Variants in SLMAP observed in about 807,000 individuals in gnomAD.
SLMAP encodes the protein sarcolemmal membrane-associated protein.
SLMAP carries 44 observed loss-of-function variants against 128.8 expected under a neutral mutation model. The ratio of observed to expected loss-of-function variants is 0.34; its 90% CI spans 0.27 to 0.44. SLMAP has a LOEUF of 0.44. SLMAP is among the 20% of genes least tolerant of loss of function. The pLI, the probability that SLMAP is intolerant of heterozygous loss-of-function variation, is 1.00. For missense variants in SLMAP, 787 were observed against 985.3 expected (o/e 0.80, Z 2.69); for synonymous variants, 327 against 348.8 (o/e 0.94, Z 0.70).
chr3:57,839,513 T>G (rs952321169), intron 3 of SLMAP, among the ~76,000 whole-genome samples: 2 of 146,494 alleles, frequency 1.4e-5, no homozygotes, highest in Non-Finnish European at 3.0e-5. Context: ...TGGTCTCGGC[T>G]CACTGCAACT....
At chr3:57,918,228 C>A (rs1430667215) in intron 22 of SLMAP, 1 of 152,188 alleles carries the variant, frequency 6.6e-6, no homozygotes, top group Non-Finnish European at 1.5e-5. Flanking sequence ...ACTGTAAGCA[C>A]TTTGTGTCCT....
chr3:57,791,712 TC>T lies in SLMAP; in HGVS notation c.198+33864del, dbSNP rs375629840. ...TTTTTTGCATAGCATCTGAATTGGCTCAGATTAAGTATTTAAAAATTATAAT... is the reference window on the plus strand; with the variant it reads ...TTTTTTGCATAGCATCTGAATTGGCTAGATTAAGTATTTAAAAATTATAAT... On this transcript the variant is annotated intron_variant, in intron 2 of 24. Transcript: ENST00000671191. Among the ~76,000 whole-genome samples, 207 of 152,258 alleles carry T rather than the reference TC, an allele frequency of 1.4e-3. 1 individual carries two copies. Among genetic ancestry groups the T allele is most frequent in the African/African-American group, 4.3e-3 (180 of 41,562 alleles).
intron 9 of SLMAP, 66 bp downstream of exon 9, chr3:57,860,905 AG>A: frequency 1.7e-5 from 22 of 1,325,180 alleles, no homozygotes; most frequent in Non-Finnish European, 2.2e-5. Context: ...CAAGCATTCC[AG>A]GATACTTTAA....
chr3:57,842,753 T>C (rs2094000836), intron 4 of SLMAP, among the ~76,000 whole-genome samples: 1 of 152,210 alleles, frequency 6.6e-6, no homozygotes, highest in South Asian at 2.1e-4. Context: ...TTGTTTGTCT[T>C]TTCTTATATG....
At chr3:57,858,531 C>T (rs993423155) in intron 8 of SLMAP, among the ~76,000 whole-genome samples, 1 of 152,180 alleles carries the variant, frequency 6.6e-6, no homozygotes, top group African/African-American at 2.4e-5. Flanking sequence ...TTGTCAACAA[C>T]ACTTTATGGA....
chr3:57,867,554 A>T (rs1338871278), intron 13 of SLMAP, among the ~76,000 whole-genome samples: 1 of 152,120 alleles, frequency 6.6e-6, no homozygotes, highest in African/African-American at 2.4e-5. Flanking sequence ...TATGATAGTG[A>T]CTAATAGAAT....
At chr3:57,783,000 A>G (rs2083368418) in intron 2 of SLMAP, among the ~76,000 whole-genome samples, 1 of 152,178 alleles carries the variant, frequency 6.6e-6, no homozygotes, top group Non-Finnish European at 1.5e-5. Flanking sequence ...TTTCTTTATA[A>G]ATTACCCAAT....
chr3:57,793,725 G>A (rs1456871927), intron 2 of SLMAP, among the ~76,000 whole-genome samples: 8 of 151,970 alleles, frequency 5.3e-5, no homozygotes, highest in Non-Finnish European at 8.8e-5. Context: ...GATAATATAT[G>A]TACCTTCTTA....
chr3:57,926,168 C>A (rs899213700), intron 24 of SLMAP: 17 of 503,566 alleles, frequency 3.4e-5, no homozygotes, highest in African/African-American at 5.9e-5. Flanking sequence ...TCCAACCTAA[C>A]CAGTTGTTAA....
At chr3:57,849,624 G>A in intron 5 of SLMAP, 130 bp from the exon 6 acceptor site, 1 of 615,754 alleles carries the variant, frequency 1.6e-6, no homozygotes, top group South Asian at 2.2e-5. Flanking sequence ...TATTGCCTTT[G>A]TGCTATAAAT....
chr3:57,907,839 G>A, intron 17 of SLMAP, 45 bp from the exon 18 acceptor site: 1 of 1,585,412 alleles, frequency 6.3e-7, no homozygotes, highest in South Asian at 1.1e-5. Context: ...GTAGATTATA[G>A]TGTGATACTA....
At chr3:57,923,621 A>G (rs1326154629) in intron 23 of SLMAP, among the ~76,000 whole-genome samples, 1 of 152,242 alleles carries the variant, frequency 6.6e-6, no homozygotes, top group Non-Finnish European at 1.5e-5. Context: ...TACTAAATAA[A>G]TGTTGTGTTG....
intron 2 of SLMAP, among the ~76,000 whole-genome samples, chr3:57,764,539 C>A (rs1406236718): frequency 3.3e-5 from 5 of 151,000 alleles, no homozygotes; most frequent in South Asian, 2.1e-4. Context: ...AAGAGTGATA[C>A]AATAGTGATA....
At chr3:57,822,404 A>C (rs1032012799) in intron 2 of SLMAP, among the ~76,000 whole-genome samples, 1 of 152,136 alleles carries the variant, frequency 6.6e-6, no homozygotes, top group African/African-American at 2.4e-5. Flanking sequence ...TGCCACGGAA[A>C]AAGGTAGAGT....
At chr3:57,763,871 AAGC>A (rs1238259526) in intron 2 of SLMAP, among the ~76,000 whole-genome samples, 1 of 152,186 alleles carries the variant, frequency 6.6e-6, no homozygotes, top group African/African-American at 2.4e-5. Context: ...ATGGAATAAA[AAGC>A]AGATAATTTT....
chr3:57,907,165 C>T, intron 17 of SLMAP, among the ~76,000 whole-genome samples: 1 of 151,948 alleles, frequency 6.6e-6, no homozygotes, highest in African/African-American at 2.4e-5. Flanking sequence ...GTAGCTGGGA[C>T]TACTGGCACC....
At chr3:57,761,916 G>A (rs1405977115) in intron 2 of SLMAP, among the ~76,000 whole-genome samples, 3 of 150,214 alleles carry the variant, frequency 2.0e-5, no homozygotes, top group Non-Finnish European at 4.4e-5. Context: ...GCGCGGTGGC[G>A]GGCGCCTGTA....
intron 13 of SLMAP, among the ~76,000 whole-genome samples, chr3:57,866,199 G>A (rs1423274690): frequency 6.6e-6 from 1 of 152,148 alleles, no homozygotes; most frequent in Non-Finnish European, 1.5e-5. Flanking sequence ...CTGAGCCCAG[G>A]AGGTTGAGGC....
At chr3:57,853,960 TATATA>T (rs2094613842) in intron 6 of SLMAP, among the ~76,000 whole-genome samples, 5 of 59,798 alleles carry the variant, frequency 8.4e-5, no homozygotes, top group Admixed American at 3.3e-4. Flanking sequence ...AAAAATTATA[TATATA>T]TATATATATA....
Sources: allele counts gnomAD v4.1 joint callset (sites outside exome capture counted in the v4.1 genomes callset), GRCh38; gene constraint gnomAD v4.1.1; transcripts MANE v1.5; gene names NCBI Gene and HGNC (gene_info 2026-07-23, HGNC 2026-07-21).